PRDM15: variants seen among roughly 807,000 people sequenced by gnomAD.
PRDM15 encodes PR/SET domain 15, also known as PR domain zinc finger protein 15.
Under a neutral mutation model 128.6 loss-of-function variants are expected in PRDM15, and 64 were observed. The ratio of observed to expected loss-of-function variants is 0.50; its 90% CI spans 0.41 to 0.61. The LOEUF (loss-of-function observed/expected upper bound fraction) is 0.61, where lower values mean the gene tolerates loss of function less well. Among genes scored for constraint, PRDM15 ranks in the 20% least tolerant of loss-of-function variants. The pLI is 0.00. For synonymous variants in PRDM15, 615 were observed against 621.8 expected, an observed-to-expected ratio of 0.99 and a Z score of 0.16; for missense variants, 1,242 against 1,569.1, an observed-to-expected ratio of 0.79 and a Z score of 3.52.
At chr21:41,850,339 C>G (rs2063390983) in intron 5 of PRDM15, among the ~76,000 whole-genome samples, 2 of 96,548 alleles carry the variant, frequency 2.1e-5, no homozygotes, top group African/African-American at 6.4e-5. Flanking sequence ...GCCTCATGCT[C>G]TCTCCCATGA....
intron 21 of PRDM15, among the ~76,000 whole-genome samples, chr21:41,805,988 T>TCACCACCACCACCACCATCAC (rs2061557503): frequency 7.0e-5 from 3 of 42,874 alleles, no homozygotes; most frequent in Non-Finnish European, 1.4e-4. Flanking sequence ...ATCACCACTA[T>TCACCACCACCACCACCATCAC]CACCACCACC....
intron 21 of PRDM15, among the ~76,000 whole-genome samples, chr21:41,806,600 T>C (rs1287825586): frequency 7.4e-4 from 2 of 2,714 alleles, no homozygotes; most frequent in African/African-American, 1.0e-3. Context: ...CCACCATTAC[T>C]ACCACCACCA....
At chr21:41,837,810 A>G (rs1270687381) in intron 8 of PRDM15, 124 bp downstream of exon 8, 7 of 915,804 alleles carry the variant, frequency 7.6e-6, no homozygotes, top group Non-Finnish European at 1.2e-5. Context: ...CCTCCTCAGC[A>G]GGTCTGTTTC....
intron 1 of PRDM15, among the ~76,000 whole-genome samples, chr21:41,874,525 A>ATATATATATATTTTTTTTTTTTT: frequency 1.0e-5 from 1 of 95,828 alleles, no homozygotes; most frequent in African/African-American, 4.2e-5. Flanking sequence ...ATATATATAT[A>ATATATATATATTTTTTTTTTTTT]TTTTTTTTTT....
At chr21:41,817,059 AC>A (rs1306717154) in intron 18 of PRDM15, among the ~76,000 whole-genome samples, 1 of 152,124 alleles carries the variant, frequency 6.6e-6, no homozygotes, top group Non-Finnish European at 1.5e-5. Flanking sequence ...TGACCTCCCC[AC>A]CACAGCCAGC....
chr21:41,871,141 G>A (rs2064193616), intron 1 of PRDM15, among the ~76,000 whole-genome samples: 1 of 152,198 alleles, frequency 6.6e-6, no homozygotes, highest in African/African-American at 2.4e-5. Flanking sequence ...CCAAGGCTGT[G>A]ATGAAATGGC....
chr21:41,877,369 G>A (rs1413576986), intron 1 of PRDM15: 1 of 152,296 alleles, frequency 6.6e-6, no homozygotes, highest in Non-Finnish European at 1.5e-5. Flanking sequence ...ACTACAGCGT[G>A]GGGGCACATA....
chr21:41,858,600 C>T (rs942169957), intron 3 of PRDM15, among the ~76,000 whole-genome samples: 6 of 150,342 alleles, frequency 4.0e-5, no homozygotes, highest in South Asian at 2.1e-4. Context: ...CAGGCCTCTC[C>T]GACAGAGGCG....
Position 41,854,764 on chromosome 21 carries a change from A to G in PRDM15, c.340T>C (p.Cys114Arg), listed in dbSNP as rs1356493146. The change falls in exon 5 of 24, where the codon TGC becomes CGC. Residue 114 changes from cysteine to arginine, a missense_variant. By Grantham distance (180) the Cys-to-Arg change is radical. This residue lies in a region of PRDM15 where 612 missense variants were observed against 717.0 expected (regional missense o/e 0.85). Transcript: ENST00000398548. The surrounding 1 kb of genome is among the most constrained non-coding windows in gnomAD (Gnocchi z 4.6). The stretch of plus-strand genomic sequence containing the variant: ...GGCCGCACCAGCATCATCCAGTTGC[A>G]GTCATCCTCGTTGGAGGTGTCGAAG... The part of the protein sequence containing the change: ...VCFDTSNEDD[C>R]NWMMLVRPAA... 11 of 1,611,844 alleles carry G rather than the reference A, an allele frequency of 6.8e-6. No individual in the cohort carries two copies.
At chr21:41,851,689 A>G (rs542378528) in intron 5 of PRDM15, among the ~76,000 whole-genome samples, 29 of 152,120 alleles carry the variant, frequency 1.9e-4, no homozygotes, top group Admixed American at 3.9e-4. Flanking sequence ...TCCCCAGGGC[A>G]GCCGGCAGCA....
At chr21:41,817,579 A>G (rs1226461792) in intron 18 of PRDM15, among the ~76,000 whole-genome samples, 1 of 152,248 alleles carries the variant, frequency 6.6e-6, no homozygotes, top group African/African-American at 2.4e-5. Context: ...AATGACTATA[A>G]CAAAACAACC....
intron 11 of PRDM15, among the ~76,000 whole-genome samples, chr21:41,831,237 CCA>C (rs1445842637): frequency 2.0e-5 from 3 of 152,252 alleles, no homozygotes; most frequent in Non-Finnish European, 2.9e-5. Context: ...GAGGGAGCCG[CCA>C]CAGAGTGTCT....
At position 41,832,639 on chromosome 21, in the gene PRDM15, C is replaced by G. The variant is rs538411768; in HGVS notation, c.1366+2798G>C. On this transcript the variant is annotated intron_variant, in intron 11 of 23. Transcript: ENST00000398548. The surrounding 1 kb of genome is among the most constrained non-coding windows in gnomAD (Gnocchi z 4.2). ...AAAGAGCACAGGTGAGCCTCCCTCC[C>G]GGGCAGGTGCTAAAGAGCACAGGTG... is the stretch of plus-strand genomic sequence containing the variant. 6.6e-6 allele frequency among the ~76,000 whole-genome samples: 1 copy of G among 152,134 alleles called. No homozygotes were observed. Among genetic ancestry groups the G allele is most frequent in the Non-Finnish European group, 1.5e-5 (1 of 68,024 alleles).
At position 41,832,142 on chromosome 21, in the gene PRDM15, C is replaced by A. The variant is rs923430730; in HGVS notation, c.1366+3295G>T. Among the ~76,000 whole-genome samples, 2 of 152,234 alleles carry A rather than the reference C, an allele frequency of 1.3e-5. No individual in the cohort carries two copies. Among genetic ancestry groups the A allele is most frequent in the Admixed American group, 6.5e-5 (1 of 15,290 alleles). On this transcript the variant is annotated intron_variant, in intron 11 of 23. Coordinates refer to ENST00000398548, the MANE Select transcript of PRDM15 (RefSeq NM_001040424.3). This position sits in a 1 kb window ranked among gnomAD's most constrained non-coding sequence, Gnocchi z 4.2. ...GCTACGTGATATTCCATCCAGCTCACTTCTCAAAACTCACTTTGCTATTTT... is the reference window on the plus strand; with the variant it reads ...GCTACGTGATATTCCATCCAGCTCAATTCTCAAAACTCACTTTGCTATTTT...
chr21:41,809,094 C>T (rs1371909157), intron 21 of PRDM15, among the ~76,000 whole-genome samples: 2 of 152,262 alleles, frequency 1.3e-5, no homozygotes, highest in Non-Finnish European at 2.9e-5. Context: ...GTGTTTTTCA[C>T]CACGGCTGTT....
intron 6 of PRDM15, among the ~76,000 whole-genome samples, chr21:41,845,364 T>C (rs2063230652): frequency 1.4e-5 from 2 of 145,486 alleles, no homozygotes; most frequent in Admixed American, 6.8e-5. Context: ...AGGCCGGCCT[T>C]TGGGGCTGCT....
Position 41,820,131 on chromosome 21 carries a change from T to C in PRDM15, c.2104A>G (p.Ile702Val), listed in dbSNP as rs1346453711. The C allele has an allele frequency of 6.2e-7, 1 of 1,613,844 alleles. No homozygotes were observed. Among genetic ancestry groups the C allele is most frequent in the South Asian group, 1.1e-5 (1 of 91,076 alleles). The change falls in exon 17 of 24, where the codon ATC (isoleucine) becomes GTC (valine). Residue 702 changes from isoleucine to valine, a missense_variant. By Grantham distance (29) the Ile-to-Val change is conservative (BLOSUM62 3). This residue lies in a region of PRDM15 where 602 missense variants were observed against 788.3 expected (regional missense o/e 0.76). Transcript: ENST00000398548. ...AGCTTGTGGCGCTCCAGGTTCCCGA[T>C]GCTGTTGAAGATCCGCCCGCAGATC... ...CEICGRIFNSIGNLERHKLIH... is the reference protein window; with the variant it reads ...CEICGRIFNSVGNLERHKLIH...
chr21:41,814,603 T>C (rs1356883426), intron 19 of PRDM15: 1 of 137,180 alleles, frequency 7.3e-6, no homozygotes, highest in African/African-American at 2.8e-5. Context: ...CTCGTGTTAC[T>C]GATTGCGCAG....
rs147616045 is a variant in PRDM15 at position 41,801,274 on chromosome 21, G to A, written c.3392C>T (p.Ala1131Val). ...PQQAAQPQVQ[A>V]EQQQQQMYSY is the part of the protein sequence containing the mutation. ...GTACATCTGCTGCTGCTGCTGCTCC[G>A]CCTGCACCTGGGGCTGGGCCGCCTG... The change falls in exon 24 of 24, where the codon GCG (alanine) becomes GTG (valine). Residue 1131 changes from alanine to valine, a missense_variant. Ala to Val is a moderately conservative substitution (Grantham distance 64, BLOSUM62 0). This residue lies in a region of PRDM15 where 602 missense variants were observed against 788.3 expected (regional missense o/e 0.76). Transcript: ENST00000398548. 1.2e-4 allele frequency: 191 copies of A among 1,543,592 alleles called. No homozygotes were observed. The African/African-American group carries it at 1.2e-3, about 10-fold the overall frequency.
Sources: gnomAD v4.1 joint callset for allele counts (sites outside exome capture counted in the v4.1 genomes callset) on GRCh38, gnomAD v4.1.1 for gene constraint, gnomAD v4.1.1 regional missense constraint, Gnocchi (gnomAD v3.1) non-coding constraint, MANE v1.5 for transcripts, NCBI Gene and HGNC (gene_info 2026-07-23, HGNC 2026-07-21) for gene names.